RPTOR: variants seen among roughly 807,000 people sequenced by gnomAD.
RPTOR encodes the protein regulatory associated protein of MTOR complex 1.
A neutral mutation model predicts 169.9 loss-of-function variants in RPTOR; 21 were observed. The ratio of observed to expected loss-of-function variants is 0.12; its 90% CI spans 0.09 to 0.18. The LOEUF (loss-of-function observed/expected upper bound fraction) is 0.18, where lower values mean the gene tolerates loss of function less well. Ranked by LOEUF, RPTOR falls within the 10% of genes least tolerant of loss-of-function variation. RPTOR has a pLI of 1.00. For synonymous variants in RPTOR, 732 were observed against 753.2 expected, an observed-to-expected ratio of 0.97 and a Z score of 0.46; for missense variants, 1,133 against 1,855.9, an observed-to-expected ratio of 0.61 and a Z score of 7.16.
intron 5 of RPTOR, among the ~76,000 whole-genome samples, chr17:80,733,593 T>A (rs539524911): frequency 9.2e-5 from 14 of 152,350 alleles, no homozygotes; most frequent in Non-Finnish European, 1.9e-4. Context: ...ATCAGTGGGC[T>A]TTGTCTTAGG....
At chr17:80,930,290 T>C (rs939946748) in intron 24 of RPTOR, among the ~76,000 whole-genome samples, 33 of 6,240 alleles carry the variant, frequency 5.3e-3, no homozygotes, top group East Asian at 0.013. Flanking sequence ...CTGCTCATCC[T>C]TAGCTCATCT....
intron 28 of RPTOR, among the ~76,000 whole-genome samples, chr17:80,956,628 C>CGG (rs2069253055): frequency 6.6e-6 from 1 of 152,260 alleles, no homozygotes; most frequent in Admixed American, 6.5e-5. Flanking sequence ...CCAGACCTGC[C>CGG]AGTTCTGCCC....
chr17:80,672,366 C>CTT (rs61114947), intron 3 of RPTOR, among the ~76,000 whole-genome samples: 78 of 133,288 alleles, frequency 5.9e-4, no homozygotes, highest in East Asian at 2.6e-3. Flanking sequence ...TGCAAAGGTT[C>CTT]TTTTTTTTTT....
At chr17:80,738,726 C>G (rs773696451) in intron 5 of RPTOR, among the ~76,000 whole-genome samples, 5 of 152,192 alleles carry the variant, frequency 3.3e-5, no homozygotes, top group African/African-American at 4.8e-5. Context: ...GTAAACCTGT[C>G]AAGAATGCCT....
intron 9 of RPTOR, among the ~76,000 whole-genome samples, chr17:80,829,842 T>C (rs1288629493): frequency 6.6e-6 from 1 of 152,220 alleles, no homozygotes; most frequent in Non-Finnish European, 1.5e-5. Flanking sequence ...ATAAGTAATA[T>C]TAAAGGGTTC....
At chr17:80,670,973 G>T (rs1000266106) in intron 3 of RPTOR, among the ~76,000 whole-genome samples, 6 of 152,174 alleles carry the variant, frequency 3.9e-5, no homozygotes, top group Admixed American at 2.0e-4. Context: ...CCTCGCCGGG[G>T]TCAGTGATCC....
chr17:80,552,141 A>G (rs1599542020), intron 1 of RPTOR, among the ~76,000 whole-genome samples: 2 of 152,346 alleles, frequency 1.3e-5, no homozygotes, highest in South Asian at 4.1e-4. Context: ...CTATACAGAC[A>G]CAGTAACAAT....
At chr17:80,685,636 T>TA (rs1263496041) in intron 3 of RPTOR, among the ~76,000 whole-genome samples, 2,418 of 55,640 alleles carry the variant, frequency 0.043, 210 homozygotes, top group Middle Eastern at 0.065. Flanking sequence ...TATTTTTTTT[T>TA]TTTTTTTTTT....
chr17:80,582,916 CTT>C (rs71163971), intron 1 of RPTOR, among the ~76,000 whole-genome samples: 18 of 139,294 alleles, frequency 1.3e-4, no homozygotes, highest in Admixed American at 1.4e-4. Context: ...CTTTTTTTTT[CTT>C]TTTTTTTTTT....
At chr17:80,667,972 C>T (rs1293980176) in intron 3 of RPTOR, among the ~76,000 whole-genome samples, 10 of 152,178 alleles carry the variant, frequency 6.6e-5, no homozygotes, top group Non-Finnish European at 7.3e-5. Context: ...GTGGGCAGAA[C>T]GACCTTCAGA....
At chr17:80,766,304 C>G (rs1211165528) in intron 6 of RPTOR, among the ~76,000 whole-genome samples, 1 of 152,214 alleles carries the variant, frequency 6.6e-6, no homozygotes, top group Non-Finnish European at 1.5e-5. Context: ...CCTCCCACCT[C>G]AGCCTTACAA....
intron 2 of RPTOR, among the ~76,000 whole-genome samples, chr17:80,634,853 A>G (rs1234442446): frequency 2.0e-5 from 2 of 100,554 alleles, no homozygotes; most frequent in African/African-American, 4.3e-5. Context: ...GTGTGTGTGC[A>G]TACCGTGTGT....
At chr17:80,821,008 A>T (rs577960113) in intron 7 of RPTOR, among the ~76,000 whole-genome samples, 7 of 152,216 alleles carry the variant, frequency 4.6e-5, no homozygotes, top group Non-Finnish European at 1.0e-4. Flanking sequence ...AGAATATTAT[A>T]CTAACTTCTC....
intron 6 of RPTOR, among the ~76,000 whole-genome samples, chr17:80,766,190 G>A (rs572215672): frequency 6.6e-6 from 1 of 152,100 alleles, no homozygotes; most frequent in Admixed American, 6.5e-5. Context: ...CAGGTAACTG[G>A]GACTACAGGT....
Position 80,947,700 on chromosome 17 carries a change from C to T in RPTOR, c.3265+349C>T, listed in dbSNP as rs975596257. On this transcript the variant is annotated intron_variant, in intron 27 of 33. Coordinates refer to ENST00000306801, the MANE Select transcript of RPTOR (RefSeq NM_020761.3). The surrounding 1 kb of genome is among the most constrained non-coding windows in gnomAD (Gnocchi z 4.4). Reference sequence around the variant, plus strand: ...ACCCGAGAATCAGGGAAGGATGCCCCAAGCCACAACACGTGCCAGGTCCTC... The same window carrying T: ...ACCCGAGAATCAGGGAAGGATGCCCTAAGCCACAACACGTGCCAGGTCCTC... Among the ~76,000 whole-genome samples, 5 of 152,132 alleles carry T rather than the reference C, an allele frequency of 3.3e-5. No homozygotes were observed. The highest frequency in any genetic ancestry group is 1.2e-4 in the African/African-American group (5 of 41,430).
At chr17:80,608,913 G>A (rs768303949) in intron 1 of RPTOR, among the ~76,000 whole-genome samples, 34 of 152,196 alleles carry the variant, frequency 2.2e-4, no homozygotes, top group Admixed American at 7.9e-4. Context: ...GTGGTCAGAC[G>A]CCTATTAGTC....
At chr17:80,749,055 C>T (rs369479651) in intron 5 of RPTOR, among the ~76,000 whole-genome samples, 14 of 41,258 alleles carry the variant, frequency 3.4e-4, no homozygotes, top group East Asian at 2.4e-3. Flanking sequence ...GGAGGGACTG[C>T]GGTGTGTGTT....
intron 5 of RPTOR, among the ~76,000 whole-genome samples, chr17:80,732,941 G>A (rs2066404556): frequency 6.6e-6 from 1 of 152,270 alleles, no homozygotes; most frequent in Non-Finnish European, 1.5e-5. Context: ...GAAATTGACA[G>A]GTGAATGATT....
chr17:80,772,639 C>T lies in RPTOR; in HGVS notation c.830+18454C>T, dbSNP rs539292925. Among the ~76,000 whole-genome samples the T allele has an allele frequency of 9.9e-5, 15 of 151,184 alleles. 1 individual carries two copies. Among genetic ancestry groups the T allele is most frequent in the Admixed American group, 5.9e-4 (9 of 15,208 alleles). On this transcript the variant is annotated intron_variant, in intron 6 of 33. Coordinates refer to ENST00000306801, the MANE Select transcript of RPTOR (RefSeq NM_020761.3). ...TCCTGCGGCAGCTTCACCAGCCACA[C>T]GGCTCATCCAATGGCTTGGACCTTG...
Sources: gnomAD v4.1 joint callset for allele counts (sites outside exome capture counted in the v4.1 genomes callset) on GRCh38, gnomAD v4.1.1 for gene constraint, Gnocchi (gnomAD v3.1) non-coding constraint, MANE v1.5 for transcripts, NCBI Gene and HGNC (gene_info 2026-07-23, HGNC 2026-07-21) for gene names.